The following KIF9 variants were observed in gnomAD, a reference collection of about 807,000 sequenced individuals.
KIF9 encodes the protein kinesin family member 9.
Under a neutral mutation model 94.8 loss-of-function variants are expected in KIF9, and 68 were observed. The ratio of observed to expected loss-of-function variants is 0.72; its 90% CI spans 0.59 to 0.88. The LOEUF is 0.88. KIF9 is among the 40% of genes least tolerant of loss of function. The probability of loss-of-function intolerance (pLI) is 0.00; values close to 1 mark genes in which losing one functional copy is unlikely to be tolerated. For synonymous variants in KIF9, 343 were observed against 362.1 expected, an observed-to-expected ratio of 0.95 and a Z score of 0.60; for missense variants, 882 against 982.5, an observed-to-expected ratio of 0.90 and a Z score of 1.37.
rs192356766 is a variant in KIF9, at chr3:47,275,561, G to A, written c.94-71C>T. 1.5e-5 allele frequency: 18 copies of A among 1,167,654 alleles called. No individual in the cohort carries two copies. In the African/African-American group the frequency reaches 2.5e-4, roughly 16 times the overall value. 72.3% of individuals were successfully genotyped at this position (1,167,654 alleles called of 1,614,324 possible). A position where few individuals can be genotyped will look rare whatever the true frequency, so the allele number is the denominator to read the frequency against. Reference sequence around the variant, plus strand: ...ATGGGTATAAAAAAAATCACTGATAGCTGAGGCCTAATCTGGAGGGAACAG... The same window carrying A: ...ATGGGTATAAAAAAAATCACTGATAACTGAGGCCTAATCTGGAGGGAACAG... On this transcript the variant is annotated intron_variant, in intron 2 of 20. Coordinates refer to ENST00000684063, the MANE Select transcript of KIF9 (RefSeq NM_182902.4).
At chr3:47,246,827 C>T (rs1399045464) in intron 12 of KIF9, among the ~76,000 whole-genome samples, 2 of 152,190 alleles carry the variant, frequency 1.3e-5, no homozygotes, top group African/African-American at 2.4e-5. Flanking sequence ...CCCACAGTAA[C>T]AGCCAGGGGG....
At chr3:47,249,607 C>G (rs1413473085) in intron 10 of KIF9, among the ~76,000 whole-genome samples, 3 of 152,186 alleles carry the variant, frequency 2.0e-5, no homozygotes, top group Non-Finnish European at 4.4e-5. Context: ...TGGTGCACTC[C>G]AAACACTTCC....
At chr3:47,229,339 C>A (rs994611289) in intron 20 of KIF9, among the ~76,000 whole-genome samples, 45 of 152,280 alleles carry the variant, frequency 3.0e-4, no homozygotes, top group African/African-American at 1.1e-3. Context: ...CAAGTGCAAA[C>A]CTTTTCAGGG....
intron 20 of KIF9, among the ~76,000 whole-genome samples, chr3:47,234,638 T>G (rs1310857012): frequency 6.7e-6 from 1 of 149,600 alleles, no homozygotes; most frequent in Non-Finnish European, 1.5e-5. Flanking sequence ...CACTGCAACC[T>G]CTACCTCCCA....
chr3:47,230,070 C>A (rs115075358), intron 20 of KIF9, among the ~76,000 whole-genome samples: 4,822 of 152,098 alleles, frequency 0.032, 232 homozygotes, highest in East Asian at 0.13. Context: ...GTATGGTATG[C>A]AAATTCTGTC....
chr3:47,232,396 T>G (rs1175428628), intron 20 of KIF9, among the ~76,000 whole-genome samples: 1 of 152,042 alleles, frequency 6.6e-6, no homozygotes, highest in Non-Finnish European at 1.5e-5. Context: ...GCAATTCTCC[T>G]GCCTCAGCCT....
intron 10 of KIF9, among the ~76,000 whole-genome samples, chr3:47,249,855 C>T (rs1397260543): frequency 4.6e-5 from 7 of 152,160 alleles, no homozygotes; most frequent in South Asian, 2.1e-4. Flanking sequence ...GTCAGGAGTT[C>T]GAGACCACCC....
intron 20 of KIF9, among the ~76,000 whole-genome samples, chr3:47,234,319 C>T (rs1293493256): frequency 4.0e-5 from 6 of 151,832 alleles, no homozygotes; most frequent in East Asian, 1.9e-4. Context: ...CTGGGACCTC[C>T]GCCTCCCAGA....
intron 20 of KIF9, among the ~76,000 whole-genome samples, chr3:47,233,245 C>T (rs186167303): frequency 6.6e-6 from 1 of 150,804 alleles, no homozygotes; most frequent in African/African-American, 2.4e-5. Context: ...TGCCTGTAGT[C>T]CCAGTTATTC....
chr3:47,262,342 A>C (rs1447366990), intron 9 of KIF9, among the ~76,000 whole-genome samples: 1 of 150,726 alleles, frequency 6.6e-6, no homozygotes, highest in Non-Finnish European at 1.5e-5. Context: ...TCAGTGGCCC[A>C]ATCTCCGCTC....
chr3:47,241,886 T>TATA (rs1559428918), intron 16 of KIF9, among the ~76,000 whole-genome samples: 2 of 18,354 alleles, frequency 1.1e-4, no homozygotes, highest in African/African-American at 3.3e-4. Flanking sequence ...ATATATATAT[T>TATA]TTTTTTTTTT....
intron 1 of KIF9, among the ~76,000 whole-genome samples, chr3:47,279,674 T>G (rs1702205403): frequency 1.3e-5 from 2 of 151,752 alleles, no homozygotes; most frequent in Admixed American, 1.3e-4. Context: ...TGGAGCGCAG[T>G]GGCGCCATCT....
At chr3:47,277,568 A>G (rs1486962845) in intron 1 of KIF9, among the ~76,000 whole-genome samples, 189 bp from the exon 2 acceptor site, 1 of 152,252 alleles carries the variant, frequency 6.6e-6, no homozygotes, top group East Asian at 1.9e-4. Flanking sequence ...TGCTCAACAA[A>G]TACACGCACT....
chr3:47,255,808 G>C (rs540819575), intron 10 of KIF9, among the ~76,000 whole-genome samples: 19 of 152,038 alleles, frequency 1.2e-4, no homozygotes, highest in Middle Eastern at 3.4e-3. Flanking sequence ...CTCTGATGCC[G>C]AGCCGAAGCT....
chr3:47,246,377 A>C, intron 12 of KIF9, 125 bp from the exon 13 acceptor site: 1 of 557,214 alleles, frequency 1.8e-6, no homozygotes, highest in Non-Finnish European at 3.0e-6. Flanking sequence ...CGAGAAGAGG[A>C]CGTGTGCACA....
At chr3:47,263,383 C>T (rs1380887371) in intron 9 of KIF9, among the ~76,000 whole-genome samples, 1 of 152,178 alleles carries the variant, frequency 6.6e-6, no homozygotes, top group East Asian at 1.9e-4. Context: ...ATCTCCCTGA[C>T]TAATCCCACC....
rs1048471142 is a variant in KIF9, at chr3:47,231,441, C to T, written c.2323-2739G>A. Among the ~76,000 whole-genome samples the T allele has an allele frequency of 1.6e-3, 117 of 72,668 alleles. 1 individual carries two copies. Among genetic ancestry groups the T allele is most frequent in the African/African-American group, 5.6e-3 (98 of 17,586 alleles). 47.7% of individuals were successfully genotyped at this position (72,668 alleles called of 152,430 possible). A position where few individuals can be genotyped will look rare whatever the true frequency, so the allele number is the denominator to read the frequency against. ...TTTTTTTTTTTTTTTTAGACAGTTT[C>T]TCTTCGTTGCCCAGGCTGGAGTGCA... On this transcript the variant is annotated intron_variant, in intron 20 of 20. Coordinates refer to ENST00000684063, the MANE Select transcript of KIF9 (RefSeq NM_182902.4).
chr3:47,251,278 G>A (rs1700253529), intron 10 of KIF9, among the ~76,000 whole-genome samples: 2 of 152,192 alleles, frequency 1.3e-5, no homozygotes, highest in African/African-American at 2.4e-5. Flanking sequence ...AGAAGGTGAT[G>A]TAGGAGGCTG....
chr3:47,256,405 C>T lies in KIF9; in HGVS notation c.1059+1078G>A, dbSNP rs1290406409. On this transcript the variant is annotated intron_variant, in intron 10 of 20. Coordinates refer to ENST00000684063, the MANE Select transcript of KIF9 (RefSeq NM_182902.4). ...CTGAGAAGTGAGGAGCCCCTCCGCCCGGCAGCCACCCCATCTGGGAAGTGA... is the reference window on the plus strand; with the variant it reads ...CTGAGAAGTGAGGAGCCCCTCCGCCTGGCAGCCACCCCATCTGGGAAGTGA... Among the ~76,000 whole-genome samples the T allele has an allele frequency of 2.8e-4, 43 of 151,110 alleles. 1 individual carries two copies. The East Asian group carries it at 4.9e-3, about 17-fold the overall frequency.
Sources: gnomAD v4.1 joint callset for allele counts (sites outside exome capture counted in the v4.1 genomes callset) on GRCh38, gnomAD v4.1.1 for gene constraint, MANE v1.5 for transcripts, NCBI Gene and HGNC (gene_info 2026-07-23, HGNC 2026-07-21) for gene names.